The following EFCAB13 variants were observed in gnomAD, a reference collection of about 807,000 sequenced individuals.
EFCAB13 encodes the protein EF-hand calcium-binding domain-containing protein 13.
Under a neutral mutation model 110.2 loss-of-function variants are expected in EFCAB13, and 91 were observed. The ratio of observed to expected loss-of-function variants is 0.83; its 90% CI spans 0.70 to 0.98. The LOEUF (loss-of-function observed/expected upper bound fraction) is 0.98, where lower values mean the gene tolerates loss of function less well. EFCAB13 is among the 50% of genes least tolerant of loss of function. The probability of loss-of-function intolerance (pLI) is 0.00; values close to 1 mark genes in which losing one functional copy is unlikely to be tolerated. For missense variants in EFCAB13, 968 were observed against 1,119.4 expected (o/e 0.86, Z 1.93); for synonymous variants, 323 against 369.9 (o/e 0.87, Z 1.45).
At chr17:47,419,192 C>T (rs1208291698) in intron 23 of EFCAB13, among the ~76,000 whole-genome samples, 4 of 152,046 alleles carry the variant, frequency 2.6e-5, no homozygotes, top group Non-Finnish European at 5.9e-5. Context: ...ACAAAGAAAA[C>T]CACATTTAAG....
At chr17:47,386,389 C>T (rs957851790) in intron 14 of EFCAB13, among the ~76,000 whole-genome samples, 2 of 152,152 alleles carry the variant, frequency 1.3e-5, no homozygotes, top group Non-Finnish European at 2.9e-5. Flanking sequence ...AGCCACTTTG[C>T]CACACTGTGT....
At chr17:47,398,114 G>A (rs1309492239) in intron 17 of EFCAB13, among the ~76,000 whole-genome samples, 3 of 146,532 alleles carry the variant, frequency 2.0e-5, no homozygotes, top group Non-Finnish European at 4.5e-5. Flanking sequence ...AGGGAGGTGG[G>A]GGGGTCAGCC....
At position 47,377,783 on chromosome 17, in the gene EFCAB13, A is replaced by C. The variant is rs1482412301; in HGVS notation, c.1390A>C (p.Ile464Leu). ...GTATTTAGAAAACTTCTGTGAAGCT[A>C]TCAGTAAACTTCAAGAAAATTACAT... ...ISTLENFCEA[I>L]SKLQENYIAA... Residue 464 changes from isoleucine (I) to leucine (L), a missense_variant, in exon 13 of 25, where the codon ATC (isoleucine) becomes CTC (leucine). Coordinates refer to ENST00000331493, the MANE Select transcript of EFCAB13 (RefSeq NM_152347.5). 8.8e-6 allele frequency: 14 copies of C among 1,584,128 alleles called. No homozygotes were observed. Among genetic ancestry groups the C allele is most frequent in the Non-Finnish European group, 1.1e-5 (13 of 1,171,444 alleles).
intron 9 of EFCAB13, among the ~76,000 whole-genome samples, chr17:47,349,759 CTTTTTTTTTTTT>C (rs1162133822): frequency 6.6e-5 from 5 of 76,162 alleles, no homozygotes; most frequent in Admixed American, 1.5e-4. Flanking sequence ...GCTGATGTTT[CTTTTTTTTTTTT>C]TTTTTTTTTT....
chr17:47,382,035 G>A (rs1385044714), intron 14 of EFCAB13, among the ~76,000 whole-genome samples: 2 of 152,080 alleles, frequency 1.3e-5, no homozygotes, highest in African/African-American at 4.8e-5. Context: ...ATTTTCTTGA[G>A]CAGTGGTTTG....
At position 47,351,304 on chromosome 17, in the gene EFCAB13, TGCGCGCGC is replaced by T. The variant is rs71141904; in HGVS notation, c.661+3370_661+3377del. 3.9e-3 allele frequency among the ~76,000 whole-genome samples: 481 copies of T among 123,096 alleles called. 2 individuals carry two copies. The highest frequency in any genetic ancestry group is 0.012 in the African/African-American group (452 of 38,164). 80.8% of individuals were successfully genotyped at this position (123,096 alleles called of 152,430 possible). A position where few individuals can be genotyped will look rare whatever the true frequency, so the allele number is the denominator to read the frequency against. The stretch of plus-strand genomic sequence containing the variant: ...CTGTGTGTGTGTGTGTGTGTGTGTG[TGCGCGCGC>T]GCGCGCGCGCGCGCGCCACGTTTTC... On this transcript the variant is annotated intron_variant, in intron 9 of 24. Coordinates refer to ENST00000331493, the MANE Select transcript of EFCAB13 (RefSeq NM_152347.5).
intron 17 of EFCAB13, 113 bp downstream of exon 17, chr17:47,396,090 GAAAT>G: frequency 1.2e-6 from 1 of 844,026 alleles, no homozygotes; most frequent in Non-Finnish European, 1.7e-6. Flanking sequence ...GAATATGATT[GAAAT>G]GCCAACATAT....
Position 47,328,247 on chromosome 17 carries a change from CTTCT to C in EFCAB13, c.-85-17_-85-14del. The C allele has an allele frequency of 3.1e-6, 3 of 982,882 alleles. No homozygotes were observed. The highest frequency in any genetic ancestry group is 4.8e-6 in the Non-Finnish European group (3 of 619,166). 60.9% of individuals were successfully genotyped at this position (982,882 alleles called of 1,614,324 possible). ...AGTGTTCTAAACAAGCGTATGATTTCTTCTTTCTCTTTTTTTGGCAGGAAATCCT... is the reference window on the plus strand; with the variant it reads ...AGTGTTCTAAACAAGCGTATGATTTCTTCTCTTTTTTTGGCAGGAAATCCT... On this transcript the variant is annotated intron_variant, in intron 3 of 24. Coordinates refer to ENST00000331493, the MANE Select transcript of EFCAB13 (RefSeq NM_152347.5).
intron 4 of EFCAB13, among the ~76,000 whole-genome samples, chr17:47,331,193 T>G (rs1490633776): frequency 6.6e-6 from 1 of 152,192 alleles, no homozygotes; most frequent in Non-Finnish European, 1.5e-5. Flanking sequence ...ATGTATAGTT[T>G]GCAAATATTT....
chr17:47,428,297 T>C (rs1475326190), intron 23 of EFCAB13, among the ~76,000 whole-genome samples: 1 of 151,854 alleles, frequency 6.6e-6, no homozygotes, highest in Non-Finnish European at 1.5e-5. Context: ...GGCTCACATG[T>C]TTACTGAATC....
At chr17:47,390,926 ATCTG>A (rs1284212322) in intron 14 of EFCAB13, among the ~76,000 whole-genome samples, 95 of 151,428 alleles carry the variant, frequency 6.3e-4, no homozygotes, top group South Asian at 1.7e-3. Flanking sequence ...CTATCTATCT[ATCTG>A]TCTATCTATC....
intron 5 of EFCAB13, among the ~76,000 whole-genome samples, chr17:47,335,684 G>A (rs1012032194): frequency 6.6e-6 from 1 of 152,146 alleles, no homozygotes; most frequent in Non-Finnish European, 1.5e-5. Context: ...AGCGAGGCTG[G>A]GGAAGCCTCA....
chr17:47,390,325 T>TACACACACACACACACAC (rs111830433), intron 14 of EFCAB13, among the ~76,000 whole-genome samples: 18 of 150,102 alleles, frequency 1.2e-4, no homozygotes, highest in South Asian at 4.2e-4. Context: ...GTTTTTTTCA[T>TACACACACACACACACAC]ACACACACAC....
Position 47,328,266 on chromosome 17 carries a change from C to A in EFCAB13, c.-85-3C>A. On this transcript the variant is annotated splice_region_variant and splice_polypyrimidine_tract_variant and intron_variant, in intron 3 of 24. Coordinates refer to ENST00000331493, the MANE Select transcript of EFCAB13 (RefSeq NM_152347.5). ...TGATTTCTTCTTTCTCTTTTTTTGGCAGGAAATCCTTTTGTACTATTGCTC... is the reference window on the plus strand; with the variant it reads ...TGATTTCTTCTTTCTCTTTTTTTGGAAGGAAATCCTTTTGTACTATTGCTC... 8.8e-7 allele frequency: 1 copy of A among 1,139,192 alleles called. No homozygotes were observed. The highest frequency in any genetic ancestry group is 1.3e-6 in the Non-Finnish European group (1 of 760,258). 70.6% of individuals were successfully genotyped at this position (1,139,192 alleles called of 1,614,324 possible).
In EFCAB13 at chr17:47,440,462, G is replaced by A. The variant is rs1291065707; in HGVS notation, c.2670G>A (p.Met890Ile). 1.9e-6 allele frequency: 3 copies of A among 1,600,544 alleles called. 1 individual carries two copies. The highest frequency in any genetic ancestry group is 2.6e-6 in the Non-Finnish European group (3 of 1,175,376). The change falls in exon 25 of 25, where the codon ATG becomes ATA. Residue 890 changes from methionine (M) to isoleucine (I), a missense_variant. By Grantham distance (10) the Met-to-Ile change is conservative (BLOSUM62 1). Transcript: ENST00000331493. ...GCAAGGTTAGCATTCAAGAATTTAT[G>A]ACTAAATTATCCGATATATTGACAA... Reference protein sequence around the residue: ...ESGKVSIQEFMTKLSDILTIP... With the variant: ...ESGKVSIQEFITKLSDILTIP...
intron 20 of EFCAB13, chr17:47,409,250 A>G (rs557021663): frequency 5.9e-6 from 1 of 168,790 alleles, no homozygotes; most frequent in South Asian, 1.6e-4. Context: ...TAATGGGTAT[A>G]ATGTTCTTAG....
intron 23 of EFCAB13, among the ~76,000 whole-genome samples, chr17:47,417,731 G>A (rs1295209206): frequency 1.3e-5 from 2 of 151,790 alleles, no homozygotes; most frequent in Non-Finnish European, 2.9e-5. Context: ...TCCTTGTTTA[G>A]CTCTGTTATA....
At chr17:47,424,923 C>T (rs1904891144) in intron 23 of EFCAB13, among the ~76,000 whole-genome samples, 1 of 85,542 alleles carries the variant, frequency 1.2e-5, no homozygotes, top group Non-Finnish European at 2.3e-5. Context: ...CGCTCTGTCG[C>T]CCAGGCTGGA....
chr17:47,325,030 C>CCCCCTTTTTTTTTTTTTTTTT (rs1187065378), intron 2 of EFCAB13, among the ~76,000 whole-genome samples: 1 of 116,714 alleles, frequency 8.6e-6, no homozygotes, highest in Non-Finnish European at 1.9e-5. Context: ...CCCCACCCCC[C>CCCCCTTTTTTTTTTTTTTTTT]TTTTTTTTTT....
Sources: gnomAD v4.1 joint callset for allele counts (sites outside exome capture counted in the v4.1 genomes callset) on GRCh38, gnomAD v4.1.1 for gene constraint, MANE v1.5 for transcripts, NCBI Gene and HGNC (gene_info 2026-07-23, HGNC 2026-07-21) for gene names.